Variants in NDUFS4 observed in about 807,000 individuals in gnomAD.
NDUFS4 encodes NADH:ubiquinone oxidoreductase subunit S4, also known as NADH dehydrogenase [ubiquinone] iron-sulfur protein 4, mitochondrial.
In NDUFS4, 28 loss-of-function variants were observed where a neutral mutation model predicts 24.3. The ratio of observed to expected loss-of-function variants is 1.15; its 90% confidence interval spans 0.85 to 1.58. The LOEUF is 1.58. Ranked by LOEUF, NDUFS4 falls within the 40% of genes most tolerant of loss-of-function variation. The pLI, the probability that NDUFS4 is intolerant of heterozygous loss-of-function variation, is 0.00. For synonymous variants in NDUFS4, 93 were observed against 69.7 expected (o/e 1.34, Z -1.67); for missense variants, 223 against 207.9 (o/e 1.07, Z -0.45).
At chr5:53,625,565 A>C (rs1226991230) in intron 2 of NDUFS4, among the ~76,000 whole-genome samples, 4 of 152,062 alleles carry the variant, frequency 2.6e-5, no homozygotes, top group South Asian at 2.1e-4. Context: ...TATGTAGTGC[A>C]ATTTGGTTAG....
chr5:53,591,467 G>GGT (rs1554054838), intron 1 of NDUFS4, among the ~76,000 whole-genome samples: 2 of 135,606 alleles, frequency 1.5e-5, no homozygotes, highest in African/African-American at 5.4e-5. Flanking sequence ...TTTTTGGGGG[G>GGT]GGGGGGTGAT....
chr5:53,679,877 C>G (rs1483574931), intron 4 of NDUFS4, among the ~76,000 whole-genome samples: 1 of 151,240 alleles, frequency 6.6e-6, no homozygotes, highest in African/African-American at 2.4e-5. Flanking sequence ...AATTTTCCAG[C>G]TATCATTATA....
chr5:53,623,664 C>G (rs1751126397), intron 2 of NDUFS4, among the ~76,000 whole-genome samples: 1 of 152,100 alleles, frequency 6.6e-6, no homozygotes. Flanking sequence ...ATGTTTTCTT[C>G]TCAAAGTTTT....
At chr5:53,592,012 C>T (rs1253003536) in intron 1 of NDUFS4, among the ~76,000 whole-genome samples, 1 of 151,994 alleles carries the variant, frequency 6.6e-6, no homozygotes, top group Non-Finnish European at 1.5e-5. Flanking sequence ...AATCTTGGCT[C>T]ACTGTAACCT....
chr5:53,660,561 T>C (rs1332726679), intron 4 of NDUFS4, among the ~76,000 whole-genome samples: 1 of 152,188 alleles, frequency 6.6e-6, no homozygotes, highest in Non-Finnish European at 1.5e-5. Flanking sequence ...ACTAGATGCC[T>C]GAGGAATTGC....
intron 3 of NDUFS4, among the ~76,000 whole-genome samples, chr5:53,650,147 C>T (rs749851804): frequency 3.9e-5 from 6 of 152,158 alleles, no homozygotes; most frequent in Non-Finnish European, 7.4e-5. Context: ...ATTCCCCAGA[C>T]TCACCGTAGT....
intron 2 of NDUFS4, among the ~76,000 whole-genome samples, chr5:53,641,150 A>G (rs577583981): frequency 5.9e-5 from 9 of 152,286 alleles, no homozygotes; most frequent in South Asian, 2.1e-4. Flanking sequence ...ACCACTTCAC[A>G]TATGTTATTT....
At chr5:53,648,030 G>GT (rs1230090950) in intron 3 of NDUFS4, among the ~76,000 whole-genome samples, 1 of 152,164 alleles carries the variant, frequency 6.6e-6, no homozygotes, top group African/African-American at 2.4e-5. Context: ...CTACAAATTT[G>GT]TTATAAGATT....
intron 1 of NDUFS4, among the ~76,000 whole-genome samples, chr5:53,569,454 A>C (rs1749143034): frequency 6.6e-6 from 1 of 152,118 alleles, no homozygotes; most frequent in Admixed American, 6.6e-5. Context: ...TTTGTAGGTT[A>C]ACTCTGGAGT....
At chr5:53,619,236 C>T (rs1487666108) in intron 2 of NDUFS4, among the ~76,000 whole-genome samples, 6 of 149,216 alleles carry the variant, frequency 4.0e-5, no homozygotes, top group East Asian at 2.0e-4. Context: ...TTTGGGAGGC[C>T]GAGGCAGGTG....
At chr5:53,669,748 A>G (rs1375952111) in intron 4 of NDUFS4, among the ~76,000 whole-genome samples, 1 of 152,198 alleles carries the variant, frequency 6.6e-6, no homozygotes, top group Non-Finnish European at 1.5e-5. Context: ...CTATTGGATT[A>G]TAAGAATTTA....
chr5:53,655,493 TTC>T (rs199524061), intron 3 of NDUFS4, among the ~76,000 whole-genome samples: 1 of 149,612 alleles, frequency 6.7e-6, no homozygotes, highest in African/African-American at 2.4e-5. Context: ...TTGTGTAAAT[TTC>T]TGTTTGGGTT....
intron 2 of NDUFS4, among the ~76,000 whole-genome samples, chr5:53,621,690 ATTTTTTTTTTTTT>A (rs58169759): frequency 1.2e-5 from 1 of 81,546 alleles, no homozygotes; most frequent in African/African-American, 5.5e-5. Context: ...CTCATAGTAA[ATTTTTTTTTTTTT>A]TTTTTTTTTT....
At position 53,618,907 on chromosome 5, in the gene NDUFS4, A is replaced by G. The variant is rs556436082; in HGVS notation, c.177+15377A>G. On this transcript the variant is annotated intron_variant, in intron 2 of 4. Transcript: ENST00000296684. ...GGTGGGTGGATTGCCTGAGCTCAGG[A>G]GTTCAAGACCAGCCTGGGCAACATG... Among the ~76,000 whole-genome samples the G allele has an allele frequency of 2.5e-3, 378 of 151,100 alleles. 2 individuals carry two copies. Among genetic ancestry groups the G allele is most frequent in the African/African-American group, 8.8e-3 (361 of 41,116 alleles).
chr5:53,632,884 G>C (rs1333851093), intron 2 of NDUFS4, among the ~76,000 whole-genome samples: 1 of 152,122 alleles, frequency 6.6e-6, no homozygotes. Flanking sequence ...CAGTGGCTTT[G>C]TTAATGAATC....
chr5:53,623,190 A>G (rs960331613), intron 2 of NDUFS4, among the ~76,000 whole-genome samples: 1 of 152,218 alleles, frequency 6.6e-6, no homozygotes, highest in Admixed American at 6.5e-5. Context: ...TTGAGGAACT[A>G]CATACTGTTT....
At chr5:53,604,165 A>T (rs1430675969) in intron 2 of NDUFS4, among the ~76,000 whole-genome samples, 2 of 152,224 alleles carry the variant, frequency 1.3e-5, no homozygotes, top group Non-Finnish European at 2.9e-5. Context: ...CTTCAATAGC[A>T]TACATTTTGT....
At chr5:53,651,974 C>CGT (rs1464493792) in intron 3 of NDUFS4, among the ~76,000 whole-genome samples, 1 of 151,724 alleles carries the variant, frequency 6.6e-6, no homozygotes, top group Non-Finnish European at 1.5e-5. Flanking sequence ...GGGGTTTCAC[C>CGT]GTGTTAGCCA....
At chr5:53,605,327 A>G (rs997795102) in intron 2 of NDUFS4, among the ~76,000 whole-genome samples, 2 of 152,256 alleles carry the variant, frequency 1.3e-5, no homozygotes, top group East Asian at 3.9e-4. Context: ...AATTTTTCCT[A>G]TGAGCATCTT....
Sources: gnomAD v4.1 joint callset for allele counts (sites outside exome capture counted in the v4.1 genomes callset) on GRCh38, gnomAD v4.1.1 for gene constraint, MANE v1.5 for transcripts, NCBI Gene and HGNC (gene_info 2026-07-23, HGNC 2026-07-21) for gene names.